The following CYTH2 variants were observed in gnomAD, a reference collection of about 807,000 sequenced individuals.
CYTH2 encodes cytohesin-2.
CYTH2 carries 24 observed loss-of-function variants against 55.4 expected under a neutral mutation model. That is an observed-to-expected ratio of 0.43 (90% confidence interval 0.31 to 0.61). The LOEUF is 0.61. Among genes scored for constraint, CYTH2 ranks in the 20% least tolerant of loss-of-function variants. The pLI, the probability that CYTH2 is intolerant of heterozygous loss-of-function variation, is 0.08. For synonymous variants in CYTH2, 221 were observed against 209.6 expected (o/e 1.05, Z -0.47); for missense variants, 378 against 533.5 (o/e 0.71, Z 2.87).
At chr19:48,470,531 G>A (rs1276449788) in intron 2 of CYTH2, 31 bp downstream of exon 2, 8 of 1,613,876 alleles carry the variant, frequency 5.0e-6, no homozygotes, top group Non-Finnish European at 5.1e-6. Flanking sequence ...CCTAGGGGGC[G>A]TGGGGTTGGC....
intron 5 of CYTH2, 77 bp downstream of exon 5, chr19:48,473,455 C>T (rs189624216): frequency 1.8e-4 from 272 of 1,476,446 alleles, no homozygotes; most frequent in Non-Finnish European, 2.4e-4. Context: ...ACAAACCTTA[C>T]TCAAGAAAAA....
Position 48,469,370 on chromosome 19 carries a change from G to T in CYTH2, c.-138G>T. ...GGCGACGAAGGGAAGAGTCTTTTCA[G>T]CGCTGAGGACTGGCGCTGAGGAGGC... On this transcript the variant is annotated 5_prime_UTR_variant, in exon 1 of 12. Coordinates refer to ENST00000452733, the MANE Select transcript of CYTH2 (RefSeq NM_004228.7). 1 of 1,016,846 alleles carries T rather than the reference G, an allele frequency of 9.8e-7. No homozygotes were observed. The highest frequency in any genetic ancestry group is 1.3e-6 in the Non-Finnish European group (1 of 775,524). 63.0% of individuals were successfully genotyped at this position (1,016,846 alleles called of 1,614,324 possible). A position where few individuals can be genotyped will look rare whatever the true frequency, so the allele number is the denominator to read the frequency against.
At chr19:48,476,029 G>A (rs1447705411) in intron 8 of CYTH2, 1 of 519,600 alleles carries the variant, frequency 1.9e-6, no homozygotes, top group Non-Finnish European at 3.9e-6. Flanking sequence ...TTGGAAGGAG[G>A]TTGGACAGGG....
At chr19:48,473,683 C>T (rs1233571922) in intron 5 of CYTH2, 1 of 599,240 alleles carries the variant, frequency 1.7e-6, no homozygotes, top group African/African-American at 1.9e-5. Flanking sequence ...ACCCCCAGAC[C>T]TGTCTAGCGA....
intron 1 of CYTH2, chr19:48,469,989 C>G: frequency 1.8e-6 from 1 of 559,896 alleles, no homozygotes; most frequent in Non-Finnish European, 3.5e-6. Context: ...AACCAGGTCC[C>G]CAGCTACCTC....
At chr19:48,471,126 T>G (rs1971783732) in intron 3 of CYTH2, among the ~76,000 whole-genome samples, 1 of 151,058 alleles carries the variant, frequency 6.6e-6, no homozygotes, top group Non-Finnish European at 1.5e-5. Flanking sequence ...GATGAGTAGG[T>G]GTTCACCAGG....
intron 8 of CYTH2, chr19:48,475,257 G>GC: frequency 2.9e-6 from 1 of 343,148 alleles, no homozygotes; most frequent in Non-Finnish European, 5.3e-6. Flanking sequence ...TCCTTTCGTG[G>GC]GAGAAGAGTT....
rs533892567 is a variant in CYTH2, at chr19:48,471,576, C to T, written c.235-749C>T. Among the ~76,000 whole-genome samples the T allele has an allele frequency of 1.1e-4, 17 of 152,284 alleles. No homozygotes were observed. In the East Asian group the frequency reaches 1.2e-3, roughly 10 times the overall value. On this transcript the variant is annotated intron_variant, in intron 3 of 11. Transcript: ENST00000452733. ...TTGTGCTCAGAGAGCCCTTGGACAC[C>T]GATACCACAGTTCACAGTGAGATAA...
rs1260530452 is a variant in CYTH2, at chr19:48,474,332, T to A, written c.696+2T>A. The stretch of plus-strand genomic sequence containing the variant: ...GACCTGCCTGAGGAGCTGCTCAGGG[T>A]CAGTCCCCCTTCCCTGCCCCTCAGC... On this transcript the variant is annotated splice_donor_variant, in intron 7 of 11. Transcript: ENST00000452733. LOFTEE classifies it high-confidence loss of function. The surrounding 1 kb of genome is among the most constrained non-coding windows in gnomAD (Gnocchi z 4.9). The A allele has an allele frequency of 6.3e-7, 1 of 1,590,660 alleles. No homozygotes were observed. The highest frequency in any genetic ancestry group is 1.3e-5 in the African/African-American group (1 of 74,328).
chr19:48,479,237 T>A lies in CYTH2; in HGVS notation c.*27T>A. On this transcript the variant is annotated 3_prime_UTR_variant, in exon 12 of 12. Transcript: ENST00000452733. ...CCCCTGCCCCCAACTCCATTATTTA[T>A]TACGGAGCTGCCCCGCCTGGGTGGC... 6.2e-7 allele frequency: 1 copy of A among 1,612,052 alleles called. No individual in the cohort carries two copies. The highest frequency in any genetic ancestry group is 8.5e-7 in the Non-Finnish European group (1 of 1,178,494).
chr19:48,473,821 G>A, intron 5 of CYTH2, 84 bp from the exon 6 acceptor site: 1 of 1,098,476 alleles, frequency 9.1e-7, no homozygotes, highest in Non-Finnish European at 1.3e-6. Flanking sequence ...GATTCCTCGT[G>A]GACCAGTTCC....
chr19:48,477,487 C>G (rs1018522287), intron 8 of CYTH2: 1 of 155,324 alleles, frequency 6.4e-6, no homozygotes, highest in Non-Finnish European at 1.4e-5. Flanking sequence ...GAGGGAGGAG[C>G]CCCGGCCATC....
Position 48,480,626 on chromosome 19 carries a change from T to C in CYTH2, c.*1416T>C, listed in dbSNP as rs1972030148. On this transcript the variant is annotated 3_prime_UTR_variant, in exon 12 of 12. Transcript: ENST00000452733. ...CTCCGTGGCGGCGTTTGTCTTCTTT[T>C]TCTTAGTCAGATCCCGTACTTTTGT... 1 of 152,216 alleles carries C rather than the reference T, an allele frequency of 6.6e-6. No individual in the cohort carries two copies. Among genetic ancestry groups the C allele is most frequent in the African/African-American group, 2.4e-5 (1 of 41,466 alleles). 9.4% of individuals were successfully genotyped at this position (152,216 alleles called of 1,614,324 possible). A position where few individuals can be genotyped will look rare whatever the true frequency, so the allele number is the denominator to read the frequency against.
At chr19:48,472,471 G>GCCCCCCCCCACCCCCC in intron 4 of CYTH2, 28 bp downstream of exon 4, 1 of 1,584,684 alleles carries the variant, frequency 6.3e-7, no homozygotes, top group Middle Eastern at 2.2e-4. Flanking sequence ...CTCCTGTGGG[G>GCCCCCCCCCACCCCCC]CCCCTCCCTC....
chr19:48,479,596 C>T lies in CYTH2; in HGVS notation c.*386C>T, dbSNP rs1051437525. ...GTGGGAGTCTGGAGTTGGAATTGGCCGGGGACAGAGTTTAGAATGCAGGGA... is the reference window on the plus strand; with the variant it reads ...GTGGGAGTCTGGAGTTGGAATTGGCTGGGGACAGAGTTTAGAATGCAGGGA... On this transcript the variant is annotated 3_prime_UTR_variant, in exon 12 of 12. Transcript: ENST00000452733. 9 of 215,972 alleles carry T rather than the reference C, an allele frequency of 4.2e-5. No individual in the cohort carries two copies. Among genetic ancestry groups the T allele is most frequent in the Admixed American group, 1.5e-4 (3 of 19,456 alleles). 13.4% of individuals were successfully genotyped at this position (215,972 alleles called of 1,614,324 possible).
At position 48,478,357 on chromosome 19, in the gene CYTH2, C is replaced by T. The variant is rs754480786; in HGVS notation, c.957+11C>T. 1 of 1,614,046 alleles carries T rather than the reference C, an allele frequency of 6.2e-7. No homozygotes were observed. Among genetic ancestry groups the T allele is most frequent in the Admixed American group, 1.7e-5 (1 of 59,998 alleles). Reference sequence around the variant, plus strand: ...GACCCCCGGAAACCGGTAAGACCCTCTCTGTACACCTTCCTGCCAGGGCGG... The same window carrying T: ...GACCCCCGGAAACCGGTAAGACCCTTTCTGTACACCTTCCTGCCAGGGCGG... On this transcript the variant is annotated intron_variant, in intron 10 of 11. Coordinates refer to ENST00000452733, the MANE Select transcript of CYTH2 (RefSeq NM_004228.7).
intron 11 of CYTH2, 38 bp from the exon 12 acceptor site, chr19:48,479,085 T>G: frequency 6.2e-7 from 1 of 1,602,370 alleles, no homozygotes. Context: ...AGGCCTGGAC[T>G]CCTTGGCCCT....
intron 4 of CYTH2, 75 bp from the exon 5 acceptor site, chr19:48,473,223 C>G (rs1213825875): frequency 6.6e-7 from 1 of 1,525,988 alleles, no homozygotes; most frequent in African/African-American, 1.4e-5. Flanking sequence ...GGCACGACTT[C>G]CCCAGGGCAT....
chr19:48,478,432 C>A lies in CYTH2; in HGVS notation c.958-6C>A, dbSNP rs770052904. On this transcript the variant is annotated splice_region_variant and splice_polypyrimidine_tract_variant and intron_variant, in intron 10 of 11. Transcript: ENST00000452733. The stretch of plus-strand genomic sequence containing the variant: ...CTTACCTGCGCCCTTCCTCTCTCGT[C>A]CCCAGAACTGCTTTGAACTTTACAT... 1.2e-6 allele frequency: 2 copies of A among 1,613,628 alleles called. No individual in the cohort carries two copies. Among genetic ancestry groups the A allele is most frequent in the South Asian group, 1.1e-5 (1 of 91,030 alleles).
Sources: allele counts gnomAD v4.1 joint callset (sites outside exome capture counted in the v4.1 genomes callset), GRCh38; gene constraint gnomAD v4.1.1; non-coding constraint Gnocchi (gnomAD v3.1); transcripts MANE v1.5; gene names NCBI Gene and HGNC (gene_info 2026-07-23, HGNC 2026-07-21).